The following KLF12 variants were observed in gnomAD, a reference collection of about 807,000 sequenced individuals.
KLF12 encodes Krueppel-like factor 12.
KLF12 carries 9 observed loss-of-function variants against 37.8 expected under a neutral mutation model. The observed-to-expected ratio is 0.24, with a 90% CI of 0.14 to 0.42. KLF12 has a LOEUF of 0.42. Ranked by LOEUF, KLF12 falls within the 10% of genes least tolerant of loss-of-function variation. The pLI, the probability that KLF12 is intolerant of heterozygous loss-of-function variation, is 1.00. For synonymous variants in KLF12, 208 were observed against 202.1 expected (o/e 1.03, Z -0.25); for missense variants, 411 against 516.0 (o/e 0.80, Z 1.97).
intron 6 of KLF12, among the ~76,000 whole-genome samples, chr13:73,730,203 C>G (rs1360059616): frequency 6.6e-6 from 1 of 152,192 alleles, no homozygotes; most frequent in African/African-American, 2.4e-5. Context: ...TGCCTCTGTG[C>G]TGCTCACTGG....
intron 2 of KLF12, among the ~76,000 whole-genome samples, chr13:73,980,931 A>G (rs574532110): frequency 6.6e-6 from 1 of 152,260 alleles, no homozygotes; most frequent in African/African-American, 2.4e-5. Flanking sequence ...AGGCCAAGAC[A>G]GGAGGATCAC....
At chr13:74,242,834 G>A in the KLF12 span, among the ~76,000 whole-genome samples, 2 of 152,170 alleles carry the variant, frequency 1.3e-5, no homozygotes, top group Non-Finnish European at 2.9e-5. Context: ...GCAAGGTGAG[G>A]CTATCAGAGC....
intron 6 of KLF12, among the ~76,000 whole-genome samples, chr13:73,727,815 G>A (rs1447664734): frequency 2.0e-5 from 3 of 151,284 alleles, no homozygotes; most frequent in African/African-American, 4.9e-5. Flanking sequence ...CTCCTGCCTC[G>A]GTCTCCTGAG....
intron 1 of KLF12, among the ~76,000 whole-genome samples, chr13:74,079,763 T>C (rs1874770754): frequency 6.6e-6 from 1 of 152,160 alleles, no homozygotes; most frequent in Admixed American, 6.5e-5. Flanking sequence ...AAATCGAAAC[T>C]CTTGTGTACT....
intron 5 of KLF12, among the ~76,000 whole-genome samples, chr13:73,803,140 G>A (rs1882369558): frequency 6.6e-6 from 1 of 152,152 alleles, no homozygotes; most frequent in East Asian, 1.9e-4. Context: ...TTTTATAACA[G>A]CAAGAGAAAG....
the KLF12 span, among the ~76,000 whole-genome samples, chr13:74,170,408 C>T: frequency 1.3e-5 from 2 of 152,160 alleles, no homozygotes; most frequent in South Asian, 4.1e-4. Flanking sequence ...GCATTATTAT[C>T]GTTATAAATT....
At chr13:74,014,921 C>G (rs1412830926) in intron 1 of KLF12, among the ~76,000 whole-genome samples, 2 of 152,038 alleles carry the variant, frequency 1.3e-5, no homozygotes, top group Non-Finnish European at 2.9e-5. Flanking sequence ...TAAGAGTTTG[C>G]CATGGTTAAT....
chr13:74,095,006 T>G (rs74098506), intron 1 of KLF12, among the ~76,000 whole-genome samples: 15,539 of 152,266 alleles, frequency 0.1, 1,034 homozygotes, highest in Admixed American at 0.19. Context: ...ACACATTGTA[T>G]GTAGTATTAT....
At chr13:74,267,515 G>T in the KLF12 span, among the ~76,000 whole-genome samples, 2 of 152,174 alleles carry the variant, frequency 1.3e-5, no homozygotes, top group East Asian at 1.9e-4. Context: ...TCACTCATAC[G>T]TGGGAGCTTT....
intron 6 of KLF12, among the ~76,000 whole-genome samples, chr13:73,763,389 TAGTGCTTC>T (rs1227060540): frequency 4.6e-5 from 7 of 152,192 alleles, no homozygotes; most frequent in African/African-American, 1.7e-4. Context: ...CTTTCTAATC[TAGTGCTTC>T]TTACAGTGCC....
At chr13:73,732,247 C>A (rs375531532) in intron 6 of KLF12, among the ~76,000 whole-genome samples, 1 of 151,722 alleles carries the variant, frequency 6.6e-6, no homozygotes. Context: ...CCACACCTGG[C>A]TAATTTTTTT....
the KLF12 span, among the ~76,000 whole-genome samples, chr13:74,191,797 C>T: frequency 1.3e-5 from 2 of 151,960 alleles, no homozygotes; most frequent in Non-Finnish European, 2.9e-5. Context: ...TATATATAAG[C>T]TATAAAATTT....
At chr13:74,296,921 C>A in the KLF12 span, among the ~76,000 whole-genome samples, 1 of 152,174 alleles carries the variant, frequency 6.6e-6, no homozygotes, top group Non-Finnish European at 1.5e-5. Context: ...AATTGTATAG[C>A]TAATTGCATC....
chr13:73,729,990 G>A (rs1876944397), intron 6 of KLF12, among the ~76,000 whole-genome samples: 1 of 152,086 alleles, frequency 6.6e-6, no homozygotes, highest in South Asian at 2.1e-4. Context: ...CAGGATGTAT[G>A]TACATTTCTG....
At chr13:73,765,183 T>C (rs1203564833) in intron 5 of KLF12, among the ~76,000 whole-genome samples, 183 bp from the exon 6 acceptor site, 1 of 152,158 alleles carries the variant, frequency 6.6e-6, no homozygotes, top group Non-Finnish European at 1.5e-5. Context: ...GTGGTCCTTT[T>C]TTCCTTCTTA....
intron 1 of KLF12, among the ~76,000 whole-genome samples, chr13:74,067,490 T>C (rs1873983801): frequency 6.6e-6 from 1 of 152,200 alleles, no homozygotes; most frequent in Non-Finnish European, 1.5e-5. Flanking sequence ...GGCACAGATG[T>C]AAAACCTGAA....
At chr13:74,109,548 GT>G (rs1358555320) in intron 1 of KLF12, among the ~76,000 whole-genome samples, 1 of 152,170 alleles carries the variant, frequency 6.6e-6, no homozygotes, top group African/African-American at 2.4e-5. Context: ...ACTTCCTCAT[GT>G]ATTAGTTAAA....
rs886563234 is a variant in KLF12 at position 73,941,069 on chromosome 13, T to C, written c.123+2912A>G. ...AGCCTGAGATAAATACCAACTTTTC[T>C]TCACCAAAAGATTGAGATTAGTATC... On this transcript the variant is annotated intron_variant, in intron 3 of 7. Transcript: ENST00000377669. Among the ~76,000 whole-genome samples the C allele has an allele frequency of 4.6e-5, 7 of 152,220 alleles. No individual in the cohort carries two copies. The East Asian group carries it at 1.3e-3, about 29-fold the overall frequency.
intron 1 of KLF12, among the ~76,000 whole-genome samples, chr13:74,011,614 C>T (rs756044390): frequency 6.6e-6 from 1 of 152,058 alleles, no homozygotes; most frequent in Non-Finnish European, 1.5e-5. Context: ...AAGCAAAACT[C>T]GAATTTGCCG....
Sources: gnomAD v4.1 joint callset for allele counts (sites outside exome capture counted in the v4.1 genomes callset) on GRCh38, gnomAD v4.1.1 for gene constraint, MANE v1.5 for transcripts, NCBI Gene and HGNC (gene_info 2026-07-23, HGNC 2026-07-21) for gene names.